Variants in CNOT1 observed in about 807,000 individuals in gnomAD.
CNOT1 encodes the protein CCR4-NOT transcription complex subunit 1, also known as CCR4-associated factor 1.
A neutral mutation model predicts 273.8 loss-of-function variants in CNOT1; 15 were observed. That is an observed-to-expected ratio of 0.05 (90% confidence interval 0.04 to 0.08). The LOEUF is 0.08. CNOT1 is among the 10% of genes least tolerant of loss of function. The pLI, the probability that CNOT1 is intolerant of heterozygous loss-of-function variation, is 1.00. For synonymous variants in CNOT1, 1,022 were observed against 1,005.5 expected (o/e 1.02, Z -0.31); for missense variants, 1,644 against 2,912.2 (o/e 0.56, Z 10.02).
chr16:58,600,381 G>GT (rs2042418196), intron 1 of CNOT1, among the ~76,000 whole-genome samples: 1 of 152,078 alleles, frequency 6.6e-6, no homozygotes, highest in Non-Finnish European at 1.5e-5. Context: ...AAGACAACTT[G>GT]TAACACTTAA....
intron 32 of CNOT1, 40 bp downstream of exon 32, chr16:58,542,388 T>C (rs1169989806): frequency 6.2e-7 from 1 of 1,612,522 alleles, no homozygotes; most frequent in Non-Finnish European, 8.5e-7. Context: ...TTCCCTAAAT[T>C]AAAAAAGAAA....
At chr16:58,540,857 A>T (rs989898742) in intron 34 of CNOT1, among the ~76,000 whole-genome samples, 1 of 152,344 alleles carries the variant, frequency 6.6e-6, no homozygotes, top group African/African-American at 2.4e-5. Context: ...ATTTTTCCCT[A>T]TATTTCCAAG....
chr16:58,563,978 G>A (rs770378510), intron 16 of CNOT1, among the ~76,000 whole-genome samples: 1 of 152,186 alleles, frequency 6.6e-6, no homozygotes, highest in Non-Finnish European at 1.5e-5. Context: ...ACCAGTAGGA[G>A]ACTGGTTGAC....
intron 11 of CNOT1, 136 bp downstream of exon 11, chr16:58,581,209 G>C: frequency 1.0e-6 from 1 of 986,916 alleles, no homozygotes; most frequent in South Asian, 2.2e-5. Context: ...AATACTTATG[G>C]ACAGTCCTTG....
At chr16:58,619,057 C>A (rs544241295) in intron 1 of CNOT1, among the ~76,000 whole-genome samples, 1 of 151,924 alleles carries the variant, frequency 6.6e-6, no homozygotes, top group Non-Finnish European at 1.5e-5. Context: ...ATTAGCTGGA[C>A]GTAGTGGTGC....
At chr16:58,553,968 T>C in intron 21 of CNOT1, 108 bp from the exon 22 acceptor site, 1 of 1,348,748 alleles carries the variant, frequency 7.4e-7, no homozygotes, top group Middle Eastern at 1.9e-4. Flanking sequence ...ATCTTACCTA[T>C]GAATAACTTA....
At chr16:58,530,107 T>C (rs1263408652) in intron 43 of CNOT1, 139 bp downstream of exon 43, 5 of 599,600 alleles carry the variant, frequency 8.3e-6, no homozygotes, top group Non-Finnish European at 1.4e-5. Flanking sequence ...GTTATGCAAG[T>C]ACACTTGATT....
At chr16:58,584,587 C>T (rs1679172746) in intron 8 of CNOT1, among the ~76,000 whole-genome samples, 1 of 152,168 alleles carries the variant, frequency 6.6e-6, no homozygotes, top group South Asian at 2.1e-4. Context: ...CCACCTCGGC[C>T]TCCCAAAGTG....
intron 1 of CNOT1, among the ~76,000 whole-genome samples, chr16:58,611,320 T>G (rs1294243903): frequency 6.6e-6 from 1 of 151,776 alleles, no homozygotes; most frequent in East Asian, 1.9e-4. Context: ...TCCCAGATAC[T>G]CGGGAGGCTG....
chr16:58,525,280 G>A lies in CNOT1; in HGVS notation c.6683C>T (p.Ala2228Val). The A allele has an allele frequency of 1.2e-6, 2 of 1,613,944 alleles. No homozygotes were observed. Among genetic ancestry groups the A allele is most frequent in the African/African-American group, 1.3e-5 (1 of 75,038 alleles). Residue 2228 changes from alanine (A) to valine (V), a missense_variant, in exon 46 of 49, where the codon GCG (alanine) becomes GTG (valine). This residue lies in a region of CNOT1 where 140 missense variants were observed against 324.6 expected (regional missense o/e 0.43). Transcript: ENST00000317147. ...LVLYVGTQAI[A>V]HIHNKGSTPS... ...TGTGCTGCCCTTGTTGTGGATGTGC[G>A]CAATGGCCTGAGTCCCGACATAGAG...
intron 1 of CNOT1, among the ~76,000 whole-genome samples, chr16:58,618,828 T>C (rs1456841373): frequency 1.3e-5 from 2 of 152,198 alleles, no homozygotes; most frequent in Non-Finnish European, 2.9e-5. Context: ...TTTCACTCAA[T>C]GCTACAGTGC....
At chr16:58,555,752 C>T (rs931600868) in intron 20 of CNOT1, 32 bp downstream of exon 20, 2 of 1,612,414 alleles carry the variant, frequency 1.2e-6, no homozygotes, top group Middle Eastern at 1.7e-4. Flanking sequence ...CTGGCCTAAA[C>T]AATAAATAAG....
At chr16:58,551,483 C>CT in intron 23 of CNOT1, 106 bp downstream of exon 23, 4 of 1,342,916 alleles carry the variant, frequency 3.0e-6, no homozygotes, top group Non-Finnish European at 4.1e-6. Flanking sequence ...TCTTTTATAT[C>CT]TTTTTTAGTA....
intron 2 of CNOT1, chr16:58,598,912 A>T (rs759976341): frequency 1.2e-5 from 3 of 251,322 alleles, no homozygotes; most frequent in Non-Finnish European, 2.4e-5. Context: ...ACAGCCGGGC[A>T]TGGTGGCACA....
At chr16:58,593,713 T>G (rs993987928) in intron 2 of CNOT1, among the ~76,000 whole-genome samples, 2 of 151,702 alleles carry the variant, frequency 1.3e-5, no homozygotes, top group African/African-American at 2.4e-5. Context: ...GGCAACAGAG[T>G]GAGACTCTGT....
chr16:58,530,782 CA>C (rs11289232), intron 42 of CNOT1: 61,206 of 127,320 alleles, frequency 0.48, 14,991 homozygotes, highest in African/African-American at 0.73. Context: ...AAAACTCCAT[CA>C]AAAAAAAAAA....
chr16:58,610,497 A>C (rs2042856585), intron 1 of CNOT1, among the ~76,000 whole-genome samples: 1 of 152,170 alleles, frequency 6.6e-6, no homozygotes, highest in Non-Finnish European at 1.5e-5. Flanking sequence ...TGAGGTCGGG[A>C]GATCGAAATC....
chr16:58,587,585 A>G (rs1227792294), intron 4 of CNOT1, among the ~76,000 whole-genome samples, 172 bp from the exon 5 acceptor site: 1 of 152,234 alleles, frequency 6.6e-6, no homozygotes, highest in African/African-American at 2.4e-5. Context: ...TTAAGCCTTC[A>G]CATGATCTGG....
chr16:58,550,335 T>A (rs1003350427), intron 24 of CNOT1, among the ~76,000 whole-genome samples: 2 of 152,192 alleles, frequency 1.3e-5, no homozygotes, highest in Admixed American at 6.5e-5. Flanking sequence ...TTGAACTACA[T>A]AGAGTAAAAT....
Sources: gnomAD v4.1 joint callset for allele counts (sites outside exome capture counted in the v4.1 genomes callset) on GRCh38, gnomAD v4.1.1 for gene constraint, gnomAD v4.1.1 regional missense constraint, MANE v1.5 for transcripts, NCBI Gene and HGNC (gene_info 2026-07-23, HGNC 2026-07-21) for gene names.